Variants in SQLE observed in about 807,000 individuals in gnomAD.
SQLE encodes the protein squalene monooxygenase.
A neutral mutation model predicts 60.7 loss-of-function variants in SQLE; 29 were observed. That is an observed-to-expected ratio of 0.48 (90% CI 0.36 to 0.65). The LOEUF (loss-of-function observed/expected upper bound fraction) is 0.65. Ranked by LOEUF, SQLE falls within the 30% of genes least tolerant of loss-of-function variation. The pLI, the probability that SQLE is intolerant of heterozygous loss-of-function variation, is 0.00. For missense variants in SQLE, 605 were observed against 684.1 expected, an observed-to-expected ratio of 0.88 and a Z score of 1.29; for synonymous variants, 237 against 246.8, an observed-to-expected ratio of 0.96 and a Z score of 0.37.
At chr8:125,005,796 A>T in intron 3 of SQLE, 91 bp downstream of exon 3, 1 of 1,150,530 alleles carries the variant, frequency 8.7e-7, no homozygotes, top group Non-Finnish European at 1.2e-6. Flanking sequence ...AATTTTAATG[A>T]ATTTTTGGGG....
chr8:125,015,169 TTA>T (rs1405127838), intron 7 of SQLE, among the ~76,000 whole-genome samples: 1 of 152,244 alleles, frequency 6.6e-6, no homozygotes, highest in Admixed American at 6.5e-5. Context: ...TTGCCTCTTT[TTA>T]TAGTTTTTGT....
chr8:125,018,331 C>A, intron 8 of SQLE, 130 bp downstream of exon 8: 3 of 962,026 alleles, frequency 3.1e-6, no homozygotes, highest in Non-Finnish European at 4.6e-6. Context: ...AGGCATCTTG[C>A]TTAGGCTTAA....
intron 10 of SQLE, among the ~76,000 whole-genome samples, chr8:125,021,417 G>A (rs193046963): frequency 5.7e-4 from 87 of 151,574 alleles, no homozygotes; most frequent in African/African-American, 2.0e-3. Context: ...ATATTTCAGC[G>A]TGGTGTCTCA....
chr8:124,998,510 G>C lies in SQLE; in HGVS notation c.-894G>C, dbSNP rs1814780842. 2 of 646,848 alleles carry C rather than the reference G, an allele frequency of 3.1e-6. No homozygotes were observed. Among genetic ancestry groups the C allele is most frequent in the Non-Finnish European group, 2.8e-6 (1 of 358,548 alleles). The allele number at this position is 646,848 out of a possible 1,614,324, so 40.1% of individuals were successfully genotyped here. ...CCGAGCCCGCCCAGCTGGCTGAGAC[G>C]CGTGGAGCCTGGCGGCGAGTGGGGG... On this transcript the variant is annotated 5_prime_UTR_variant, in exon 1 of 11. Coordinates refer to ENST00000265896, the MANE Select transcript of SQLE (RefSeq NM_003129.4).
chr8:124,999,011 G>T lies in SQLE; in HGVS notation c.-393G>T. Reference sequence around the variant, plus strand: ...CCCTTCTGAAAGGGCACCTGCTCTTGGTGAGAAAAGAAATTATAGCACGAA... The same window carrying T: ...CCCTTCTGAAAGGGCACCTGCTCTTTGTGAGAAAAGAAATTATAGCACGAA... On this transcript the variant is annotated 5_prime_UTR_variant, in exon 1 of 11. Coordinates refer to ENST00000265896, the MANE Select transcript of SQLE (RefSeq NM_003129.4). The T allele has an allele frequency of 3.6e-6, 1 of 275,824 alleles. No homozygotes were observed. The allele number at this position is 275,824 out of a possible 1,614,324, so 17.1% of individuals were successfully genotyped here. A position where few individuals can be genotyped will look rare whatever the true frequency, so the allele number is the denominator to read the frequency against.
intron 4 of SQLE, among the ~76,000 whole-genome samples, chr8:125,008,770 G>A (rs556757622): frequency 6.6e-6 from 1 of 152,144 alleles, no homozygotes; most frequent in Non-Finnish European, 1.5e-5. Context: ...GATCCTCAGG[G>A]ACTCAGAGGA....
At chr8:125,013,416 G>A (rs766288239) in intron 7 of SQLE, among the ~76,000 whole-genome samples, 7 of 149,116 alleles carry the variant, frequency 4.7e-5, no homozygotes, top group Non-Finnish European at 7.4e-5. Flanking sequence ...GCGATGGTGC[G>A]ATCTCGGCTC....
At chr8:125,015,754 A>G (rs1313941678) in intron 7 of SQLE, among the ~76,000 whole-genome samples, 1 of 152,322 alleles carries the variant, frequency 6.6e-6, no homozygotes, top group Admixed American at 6.5e-5. Context: ...TAGATTGAAG[A>G]ACTCACTTCG....
chr8:125,022,041 T>C lies in SQLE; in HGVS notation c.*96T>C. On this transcript the variant is annotated 3_prime_UTR_variant, in exon 11 of 11. Transcript: ENST00000265896. Reference sequence around the variant, plus strand: ...TATATATAGCATAGTACCATACCACTTATAAAGTGGAAACTCTTGGACCAA... The same window carrying C: ...TATATATAGCATAGTACCATACCACCTATAAAGTGGAAACTCTTGGACCAA... The C allele has an allele frequency of 2.4e-6, 2 of 842,286 alleles. No homozygotes were observed. The highest frequency in any genetic ancestry group is 3.2e-6 in the Non-Finnish European group (2 of 620,212). The allele number at this position is 842,286 out of a possible 1,614,324, so 52.2% of individuals were successfully genotyped here.
In SQLE at chr8:124,999,626, T is replaced by G. The variant is rs1293340375; in HGVS notation, c.223T>G (p.Phe75Val). ...CTCGGATATTCTCTCAGGCCTGCCT[T>G]TCATTGGCTTCTTCTGGGCCAAATC... ...LFSDILSGLP[F>V]IGFFWAKSPP... The change falls in exon 1 of 11, where the codon TTC becomes GTC. Residue 75 changes from phenylalanine to valine, a missense_variant. Coordinates refer to ENST00000265896, the MANE Select transcript of SQLE (RefSeq NM_003129.4). The G allele has an allele frequency of 1.2e-6, 2 of 1,612,804 alleles. No individual in the cohort carries two copies. Among genetic ancestry groups the G allele is most frequent in the Non-Finnish European group, 1.7e-6 (2 of 1,179,430 alleles).
chr8:125,015,422 A>G (rs991706271), intron 7 of SQLE, among the ~76,000 whole-genome samples: 2 of 151,834 alleles, frequency 1.3e-5, no homozygotes, highest in African/African-American at 4.8e-5. Flanking sequence ...TACTATTGCC[A>G]TTTTGTTTTT....
chr8:125,009,033 G>T lies in SQLE; in HGVS notation c.885G>T (p.Leu295=). 6.2e-7 allele frequency: 1 copy of T among 1,603,290 alleles called. No homozygotes were observed. The highest frequency in any genetic ancestry group is 8.5e-7 in the Non-Finnish European group (1 of 1,175,852). ...DGLFSKFRKS[L]VSNKVSVSSH... ...TTTTCTCCAAGTTCAGGAAAAGCCT[G>T]GTCTCCAATAAAGTTTCTGTATCAT... is the stretch of plus-strand genomic sequence containing the variant. Residue 295 remains leucine (L), a synonymous_variant, in exon 5 of 11, where the codon CTG becomes CTT. Coordinates refer to ENST00000265896, the MANE Select transcript of SQLE (RefSeq NM_003129.4).
chr8:124,998,575 T>G lies in SQLE; in HGVS notation c.-829T>G. The G allele has an allele frequency of 1.5e-6, 1 of 685,656 alleles. No homozygotes were observed. The highest frequency in any genetic ancestry group is 2.6e-6 in the Non-Finnish European group (1 of 377,494). 42.5% of individuals were successfully genotyped at this position (685,656 alleles called of 1,614,324 possible). A position where few individuals can be genotyped will look rare whatever the true frequency, so the allele number is the denominator to read the frequency against. On this transcript the variant is annotated 5_prime_UTR_variant, in exon 1 of 11. Coordinates refer to ENST00000265896, the MANE Select transcript of SQLE (RefSeq NM_003129.4). ...TCTGGTTACTGGGGCCGCGCCGCGC[T>G]GGCGAGAGCCGCCGCCCGCGAGGGA... is the stretch of plus-strand genomic sequence containing the variant.
At chr8:125,020,570 T>G (rs1272376431) in intron 9 of SQLE, among the ~76,000 whole-genome samples, 2 of 152,212 alleles carry the variant, frequency 1.3e-5, no homozygotes, top group East Asian at 3.8e-4. Flanking sequence ...AGTAGTTATT[T>G]ACTAACAGAA....
chr8:125,003,986 T>C (rs192859756), intron 2 of SQLE, among the ~76,000 whole-genome samples: 120 of 152,284 alleles, frequency 7.9e-4, no homozygotes, highest in Middle Eastern at 3.4e-3. Flanking sequence ...CGTGAGAGTC[T>C]ACCCTCATGA....
chr8:125,006,756 G>C (rs1373348652), intron 3 of SQLE, among the ~76,000 whole-genome samples: 6 of 150,134 alleles, frequency 4.0e-5, no homozygotes, highest in Non-Finnish European at 8.9e-5. Context: ...CCGGGCTGGA[G>C]GGCAGTGTTG....
At position 125,007,498 on chromosome 8, in the gene SQLE, C is replaced by G. The variant is rs540874270; in HGVS notation, c.822+11C>G. 7.4e-6 allele frequency: 11 copies of G among 1,486,474 alleles called. No homozygotes were observed. The Admixed American group carries it at 1.3e-4, about 17-fold the overall frequency. 92.1% of individuals were successfully genotyped at this position (1,486,474 alleles called of 1,614,324 possible). A position where few individuals can be genotyped will look rare whatever the true frequency, so the allele number is the denominator to read the frequency against. On this transcript the variant is annotated intron_variant, in intron 4 of 10. Coordinates refer to ENST00000265896, the MANE Select transcript of SQLE (RefSeq NM_003129.4). ...ACTGGAGATATCAAGGTGAGAAATACCAAATGTCACCTCTTCCTAAGAGAT... is the reference window on the plus strand; with the variant it reads ...ACTGGAGATATCAAGGTGAGAAATAGCAAATGTCACCTCTTCCTAAGAGAT...
chr8:125,012,546 A>G (rs1815053410), intron 7 of SQLE, among the ~76,000 whole-genome samples: 1 of 152,162 alleles, frequency 6.6e-6, no homozygotes, highest in East Asian at 1.9e-4. Context: ...CATTTAGCAC[A>G]ATGTTTTTGA....
At chr8:125,009,926 C>T (rs1261689339) in intron 6 of SQLE, among the ~76,000 whole-genome samples, 1 of 152,154 alleles carries the variant, frequency 6.6e-6, no homozygotes, top group African/African-American at 2.4e-5. Context: ...TTCTTTATCT[C>T]TTATACCTAA....
Sources: gnomAD v4.1 joint callset for allele counts (sites outside exome capture counted in the v4.1 genomes callset) on GRCh38, gnomAD v4.1.1 for gene constraint, MANE v1.5 for transcripts, NCBI Gene and HGNC (gene_info 2026-07-23, HGNC 2026-07-21) for gene names.